PRELID2: variants seen among roughly 807,000 people sequenced by gnomAD.
PRELID2 encodes PRELI domain containing 2.
In PRELID2, 25 loss-of-function variants were observed where a neutral mutation model predicts 28.4. The ratio of observed to expected loss-of-function variants is 0.88; its 90% CI spans 0.64 to 1.23. The LOEUF (loss-of-function observed/expected upper bound fraction) is 1.23. Ranked by LOEUF, PRELID2 falls within the 50% of genes most tolerant of loss-of-function variation. PRELID2 has a pLI of 0.00. For missense variants in PRELID2, 201 were observed against 214.4 expected, an observed-to-expected ratio of 0.94 and a Z score of 0.39; for synonymous variants, 76 against 71.6, an observed-to-expected ratio of 1.06 and a Z score of -0.31.
chr5:145,778,433 A>G (rs972899090), intron 5 of PRELID2, among the ~76,000 whole-genome samples: 3 of 152,116 alleles, frequency 2.0e-5, no homozygotes, highest in Non-Finnish European at 4.4e-5. Flanking sequence ...GTTCCCTCTG[A>G]GCTGTTCTAT....
At chr5:145,270,107 A>G in the PRELID2 span, among the ~76,000 whole-genome samples, 3 of 151,954 alleles carry the variant, frequency 2.0e-5, no homozygotes, top group South Asian at 6.2e-4. Flanking sequence ...AAGGATGTGG[A>G]GCAACCACAT....
the PRELID2 span, among the ~76,000 whole-genome samples, chr5:145,342,285 G>A: frequency 6.6e-6 from 1 of 151,896 alleles, no homozygotes; most frequent in African/African-American, 2.4e-5. Flanking sequence ...GCAAAAGGAT[G>A]ACATTTACTA....
chr5:145,479,152 C>T (rs1752134081), intron 1 of PRELID2, among the ~76,000 whole-genome samples: 1 of 152,160 alleles, frequency 6.6e-6, no homozygotes. Flanking sequence ...CAGACCCTGC[C>T]AAACCAACGT....
the PRELID2 span, among the ~76,000 whole-genome samples, chr5:145,334,064 C>T: frequency 0.047 from 7,140 of 152,134 alleles, 579 homozygotes; most frequent in African/African-American, 0.16. Flanking sequence ...GGTGAACCGA[C>T]GCCCCACCCT....
intron 5 of PRELID2, among the ~76,000 whole-genome samples, chr5:145,772,814 G>A (rs1054067467): frequency 1.3e-5 from 2 of 152,086 alleles, no homozygotes; most frequent in Non-Finnish European, 2.9e-5. Context: ...AAATAAGTCA[G>A]GTATTTTAGT....
chr5:145,696,703 A>G (rs1755275939), intron 1 of PRELID2, among the ~76,000 whole-genome samples: 1 of 151,916 alleles, frequency 6.6e-6, no homozygotes, highest in South Asian at 2.1e-4. Flanking sequence ...AGCTCAAGTG[A>G]TCTGCCCACC....
At chr5:145,284,087 C>T in the PRELID2 span, among the ~76,000 whole-genome samples, 5 of 152,068 alleles carry the variant, frequency 3.3e-5, no homozygotes, top group Non-Finnish European at 5.9e-5. Flanking sequence ...TCTTTCCAAG[C>T]GTATTGCTCA....
chr5:145,610,390 C>T (rs1163860650), intron 1 of PRELID2, among the ~76,000 whole-genome samples: 1 of 152,064 alleles, frequency 6.6e-6, no homozygotes, highest in Non-Finnish European at 1.5e-5. Flanking sequence ...TCATGAGCTG[C>T]TTCTAGTCCA....
At chr5:145,408,340 T>A in the PRELID2 span, among the ~76,000 whole-genome samples, 2 of 149,894 alleles carry the variant, frequency 1.3e-5, no homozygotes, top group Admixed American at 1.3e-4. Context: ...AGAAGGTTGA[T>A]GATTAAGCTA....
the PRELID2 span, among the ~76,000 whole-genome samples, chr5:145,411,661 G>A: frequency 6.6e-6 from 1 of 152,182 alleles, no homozygotes; most frequent in African/African-American, 2.4e-5. Context: ...GAGGATGGTG[G>A]CCTCCTTCTC....
the PRELID2 span, among the ~76,000 whole-genome samples, chr5:145,232,768 T>A: frequency 1.3e-5 from 2 of 152,110 alleles, no homozygotes; most frequent in Non-Finnish European, 2.9e-5. Context: ...TCATGTTCAG[T>A]AATTTATTCT....
At chr5:145,516,131 T>C (rs1752514557) in intron 1 of PRELID2, among the ~76,000 whole-genome samples, 1 of 152,166 alleles carries the variant, frequency 6.6e-6, no homozygotes, top group Non-Finnish European at 1.5e-5. Flanking sequence ...GTATTGGAAG[T>C]TCTGTCCAGG....
At chr5:145,540,631 C>T (rs1051273885) in intron 1 of PRELID2, among the ~76,000 whole-genome samples, 6 of 150,224 alleles carry the variant, frequency 4.0e-5, no homozygotes, top group South Asian at 2.1e-4. Context: ...AAATCACCAG[C>T]CAAGCCCCAA....
the PRELID2 span, among the ~76,000 whole-genome samples, chr5:145,307,268 G>A: frequency 1.3e-5 from 2 of 152,120 alleles, no homozygotes; most frequent in East Asian, 1.9e-4. Context: ...CTCTGCAGCA[G>A]GTACCATGGA....
chr5:145,302,389 C>A, the PRELID2 span, among the ~76,000 whole-genome samples: 11 of 152,000 alleles, frequency 7.2e-5, no homozygotes, highest in Admixed American at 7.2e-4. Flanking sequence ...CTGCCCACCT[C>A]GGTCTCCCAA....
At chr5:145,466,398 C>T in the PRELID2 span, among the ~76,000 whole-genome samples, 1 of 152,152 alleles carries the variant, frequency 6.6e-6, no homozygotes, top group Middle Eastern at 3.4e-3. Context: ...ATTTAGTTTA[C>T]TACTTGGAAA....
the PRELID2 span, among the ~76,000 whole-genome samples, chr5:145,419,191 C>T: frequency 1.0e-4 from 15 of 150,236 alleles, no homozygotes; most frequent in African/African-American, 1.5e-4. Flanking sequence ...AATAAGCATA[C>T]GTGTGCATGT....
chr5:145,569,505 T>A lies in PRELID2; in HGVS notation n.71-96190A>T, dbSNP rs879261503. On this transcript the variant is annotated intron_variant and non_coding_transcript_variant, in intron 1 of 2. Transcript: ENST00000510259. ...CTTTTGACTTCCTAAAAGCTACTAA[T>A]ATTACCCTGCATTATGGAATCTTGA... 1.6e-4 allele frequency among the ~76,000 whole-genome samples: 25 copies of A among 152,210 alleles called. 1 individual carries two copies. The highest frequency in any genetic ancestry group is 5.8e-4 in the African/African-American group (24 of 41,456).
At chr5:145,527,455 A>C (rs1752617880) in intron 1 of PRELID2, among the ~76,000 whole-genome samples, 1 of 152,326 alleles carries the variant, frequency 6.6e-6, no homozygotes, top group South Asian at 2.1e-4. Flanking sequence ...ATTGCATATA[A>C]ATCTACAGTT....
Sources: allele counts gnomAD v4.1 joint callset (sites outside exome capture counted in the v4.1 genomes callset), GRCh38; gene constraint gnomAD v4.1.1; transcripts MANE v1.5; gene names NCBI Gene and HGNC (gene_info 2026-07-23, HGNC 2026-07-21).